ARL10: variants seen among roughly 807,000 people sequenced by gnomAD.
ARL10 encodes the protein ARF like GTPase 10.
In ARL10, 23 loss-of-function variants were observed where a neutral mutation model predicts 26.1. The observed-to-expected ratio is 0.88, with a 90% CI of 0.63 to 1.25. ARL10 has a LOEUF of 1.25. ARL10 is among the 50% of genes most tolerant of loss of function. The pLI is 0.00. For missense variants in ARL10, 300 were observed against 323.6 expected (o/e 0.93, Z 0.56); for synonymous variants, 138 against 149.1 (o/e 0.93, Z 0.54).
downstream of ARL10, chr5:176,392,813 C>G (rs764888931): frequency 3.0e-5 from 49 of 1,614,110 alleles, no homozygotes; most frequent in Non-Finnish European, 3.8e-5. This position sits in a 1 kb window ranked among gnomAD's most constrained non-coding sequence, Gnocchi z 5.2. Context: ...ACATGAGCAC[C>G]GAGCGCAGGC....
In ARL10 at chr5:176,379,588, G is replaced by T. The variant is rs1755502777; in HGVS notation, c.*7693G>T. 1 of 152,222 alleles carries T rather than the reference G, an allele frequency of 6.6e-6. No homozygotes were observed. The highest frequency in any genetic ancestry group is 2.4e-5 in the African/African-American group (1 of 41,448). The allele number at this position is 152,222 out of a possible 1,614,324, so 9.4% of individuals were successfully genotyped here. A position where few individuals can be genotyped will look rare whatever the true frequency, so the allele number is the denominator to read the frequency against. On this transcript the variant is annotated 3_prime_UTR_variant, in exon 4 of 4. Coordinates refer to ENST00000310389, the MANE Select transcript of ARL10 (RefSeq NM_173664.6). The stretch of plus-strand genomic sequence containing the variant: ...TTATATTTCTTAATTAGACTGCGAA[G>T]TTCTGAATGAAGTCCTTTTTAAATA...
chr5:176,388,137 TG>T, intron 1 of ARL10: 1 of 901,342 alleles, frequency 1.1e-6, no homozygotes, highest in East Asian at 2.5e-5. Flanking sequence ...CGGAAGGGCC[TG>T]AGGGAAGGAA....
downstream of ARL10, among the ~76,000 whole-genome samples, chr5:176,404,322 A>T (rs1213759787): frequency 2.6e-5 from 4 of 152,118 alleles, no homozygotes; most frequent in Non-Finnish European, 5.9e-5. Context: ...GCACCCCCAC[A>T]CACCACCCTC....
chr5:176,368,864 T>C lies in ARL10; in HGVS notation c.443T>C (p.Val148Ala). Residue 148 changes from valine (V) to alanine (A), a missense_variant, in exon 3 of 4, where the codon GTG (valine) becomes GCG (alanine). By Grantham distance (64) the Val-to-Ala change is moderately conservative. Transcript: ENST00000310389. This position sits in a 1 kb window ranked among gnomAD's most constrained non-coding sequence, Gnocchi z 4.1. Reference sequence around the variant, plus strand: ...AAGGAGTTTGTGAGCGAGGTGGATGTGCTGGTGTTTGTGGTGGACTCGGCT... The same window carrying C: ...AAGGAGTTTGTGAGCGAGGTGGATGCGCTGGTGTTTGTGGTGGACTCGGCT... ...YWKEFVSEVD[V>A]LVFVVDSADR... 6.2e-7 allele frequency: 1 copy of C among 1,614,144 alleles called. No individual in the cohort carries two copies. Among genetic ancestry groups the C allele is most frequent in the South Asian group, 1.1e-5 (1 of 91,080 alleles).
downstream of ARL10, chr5:176,386,375 G>T (rs759442060): frequency 8.8e-6 from 2 of 226,352 alleles, no homozygotes; most frequent in Non-Finnish European, 1.8e-5. Flanking sequence ...ACAGGTAAGG[G>T]GAAGGATGAA....
downstream of ARL10, chr5:176,389,892 C>T (rs2113609746): frequency 6.0e-6 from 1 of 165,410 alleles, no homozygotes; most frequent in South Asian, 1.4e-4. Context: ...ACTTTGAAAG[C>T]AGAGATTTGG....
At chr5:176,387,814 T>C (rs1361350852) in intron 1 of ARL10, among the ~76,000 whole-genome samples, 3 of 152,138 alleles carry the variant, frequency 2.0e-5, no homozygotes, top group African/African-American at 7.2e-5. Flanking sequence ...AGGTGGGATA[T>C]AGCTTGAACC....
the ARL10 span, among the ~76,000 whole-genome samples, chr5:176,414,192 C>T: frequency 1.3e-5 from 2 of 152,192 alleles, no homozygotes; most frequent in African/African-American, 4.8e-5. Context: ...CCCCAACAGG[C>T]CCCAGTGAGC....
downstream of ARL10, among the ~76,000 whole-genome samples, chr5:176,403,315 G>T (rs1756923783): frequency 6.6e-6 from 1 of 152,038 alleles, no homozygotes; most frequent in Non-Finnish European, 1.5e-5. Context: ...CTCCCAAAGT[G>T]CTGGGATTAC....
downstream of ARL10, chr5:176,386,898 C>T: frequency 6.2e-7 from 1 of 1,614,084 alleles, no homozygotes; most frequent in South Asian, 1.1e-5. Flanking sequence ...TGTCCACCTC[C>T]ATGGCCTTCA....
At position 176,365,695 on chromosome 5, in the gene ARL10, G is replaced by T. The variant is rs1034316350; in HGVS notation, c.132G>T (p.Glu44Asp). 2.4e-6 allele frequency: 3 copies of T among 1,241,504 alleles called. No individual in the cohort carries two copies. Among genetic ancestry groups the T allele is most frequent in the Non-Finnish European group, 2.0e-6 (2 of 991,124 alleles). 76.9% of individuals were successfully genotyped at this position (1,241,504 alleles called of 1,614,324 possible). ...RGRERRWDRGEAWWGAEAARL... is the reference protein window; with the variant it reads ...RGRERRWDRGDAWWGAEAARL... Reference sequence around the variant, plus strand: ...GAGAGCGGCGCTGGGACCGGGGAGAGGCCTGGTGGGGCGCGGAGGCTGCCC... The same window carrying T: ...GAGAGCGGCGCTGGGACCGGGGAGATGCCTGGTGGGGCGCGGAGGCTGCCC... Residue 44 changes from glutamate to aspartate, a missense_variant, in exon 1 of 4, where the codon GAG (glutamate) becomes GAT (aspartate). Glu to Asp is a conservative substitution (Grantham distance 45). Coordinates refer to ENST00000310389, the MANE Select transcript of ARL10 (RefSeq NM_173664.6).
In ARL10 at chr5:176,380,148, G is replaced by T. The variant is rs939733095; in HGVS notation, c.*8253G>T. On this transcript the variant is annotated 3_prime_UTR_variant, in exon 4 of 4. Transcript: ENST00000310389. ...GGAGAAAAGGTAACTGAGCAAAAGGGTTACTGTACTCAAAGCATCGAGGCA... is the reference window on the plus strand; with the variant it reads ...GGAGAAAAGGTAACTGAGCAAAAGGTTTACTGTACTCAAAGCATCGAGGCA... 4 of 152,132 alleles carry T rather than the reference G, an allele frequency of 2.6e-5. No individual in the cohort carries two copies. The highest frequency in any genetic ancestry group is 9.7e-5 in the African/African-American group (4 of 41,418). 9.4% of individuals were successfully genotyped at this position (152,132 alleles called of 1,614,324 possible).
intron 1 of ARL10, among the ~76,000 whole-genome samples, chr5:176,397,048 C>A (rs764713536): frequency 6.6e-6 from 1 of 152,144 alleles, no homozygotes; most frequent in Non-Finnish European, 1.5e-5. Context: ...CCATGGCCTT[C>A]GTGCAGAGGG....
chr5:176,385,582 G>T (rs948488092), downstream of ARL10, among the ~76,000 whole-genome samples: 1 of 152,178 alleles, frequency 6.6e-6, no homozygotes, highest in Non-Finnish European at 1.5e-5. Flanking sequence ...TTCTCTCCGG[G>T]CCTCAGGTGG....
the ARL10 span, chr5:176,410,116 C>T: frequency 1.4e-6 from 1 of 717,100 alleles, no homozygotes; most frequent in South Asian, 1.9e-5. Flanking sequence ...ATTCCAAAAA[C>T]CTTTCTCTAT....
chr5:176,396,348 T>C (rs1756519365), intron 1 of ARL10: 1 of 833,174 alleles, frequency 1.2e-6, no homozygotes, highest in Non-Finnish European at 2.1e-6. Flanking sequence ...ACCAGGGCAT[T>C]TGCCTCCTGT....
downstream of ARL10, chr5:176,389,609 C>T (rs1756178309): frequency 2.6e-6 from 3 of 1,171,682 alleles, no homozygotes; most frequent in East Asian, 2.5e-5. Flanking sequence ...GCCCATGTGT[C>T]GCTGGGGAGG....
downstream of ARL10, chr5:176,384,191 G>A (rs187683576): frequency 5.5e-4 from 892 of 1,614,070 alleles, 10 homozygotes; most frequent in Admixed American, 0.013. Context: ...TCACTGGTCC[G>A]GGGGACGCCT....
chr5:176,385,461 C>T, downstream of ARL10: 1 of 623,180 alleles, frequency 1.6e-6, no homozygotes, highest in African/African-American at 1.8e-5. Flanking sequence ...GTCTTTGCCT[C>T]CCCATTCCCA....
Sources: gnomAD v4.1 joint callset for allele counts (sites outside exome capture counted in the v4.1 genomes callset) on GRCh38, gnomAD v4.1.1 for gene constraint, Gnocchi (gnomAD v3.1) non-coding constraint, MANE v1.5 for transcripts, NCBI Gene and HGNC (gene_info 2026-07-23, HGNC 2026-07-21) for gene names.